Variants in PCDH11X observed in about 807,000 individuals in gnomAD.
The protein encoded by PCDH11X is protocadherin-11 X-linked.
In PCDH11X, 18 loss-of-function variants were observed where a neutral mutation model predicts 53.3. The ratio of observed to expected loss-of-function variants is 0.34; its 90% CI spans 0.23 to 0.50. The LOEUF is 0.50. PCDH11X is among the 20% of genes least tolerant of loss of function. The pLI is 0.98. For synonymous variants in PCDH11X, 279 were observed against 393.3 expected, an observed-to-expected ratio of 0.71 and a Z score of 3.44; for missense variants, 570 against 1,032.4, an observed-to-expected ratio of 0.55 and a Z score of 6.14.
intron 1 of PCDH11X, among the ~76,000 whole-genome samples, chrX:91,805,442 C>T (rs1313308373): frequency 9.0e-6 from 1 of 111,031 alleles, no homozygotes; most frequent in Non-Finnish European, 1.9e-5. Context: ...TCTAATATTC[C>T]AAGGTTCTAA....
chrX:92,553,219 AT>A (rs59294247), intron 10 of PCDH11X, among the ~76,000 whole-genome samples: 22,794 of 97,587 alleles, frequency 0.23, 2,495 homozygotes, highest in Non-Finnish European at 0.33. Flanking sequence ...TTTAACTGGG[AT>A]TTTTTTTTTT....
Position 92,620,000 on chromosome X carries a change from A to T in PCDH11X, c.*1060A>T, listed in dbSNP as rs1928370550. 9.0e-6 allele frequency: 1 copy of T among 111,338 alleles called. No individual in the cohort carries two copies. The allele number at this position is 111,338 out of a possible 1,213,427, so 9.2% of individuals were successfully genotyped here. On this transcript the variant is annotated 3_prime_UTR_variant, in exon 11 of 11. Transcript: ENST00000682573. Reference sequence around the variant, plus strand: ...TACATGTAACTGTAGATAAAACCATATACTAAATCTATAAGACTAAGGGAT... The same window carrying T: ...TACATGTAACTGTAGATAAAACCATTTACTAAATCTATAAGACTAAGGGAT...
At chrX:92,441,867 C>T (rs2072523114) in intron 9 of PCDH11X, among the ~76,000 whole-genome samples, 1 of 110,264 alleles carries the variant, frequency 9.1e-6, no homozygotes, top group African/African-American at 3.3e-5. Flanking sequence ...CCTGGAAAAG[C>T]CACAAACACT....
At chrX:92,441,320 A>G (rs2072510070) in intron 9 of PCDH11X, among the ~76,000 whole-genome samples, 1 of 110,872 alleles carries the variant, frequency 9.0e-6, no homozygotes, top group African/African-American at 3.3e-5. Context: ...GCCAAATGTT[A>G]ATCACCAAGA....
At chrX:92,401,876 G>A (rs192414073) in intron 9 of PCDH11X, among the ~76,000 whole-genome samples, 76 of 111,879 alleles carry the variant, frequency 6.8e-4, no homozygotes, top group Non-Finnish European at 1.1e-3. Flanking sequence ...TTGAATCTAC[G>A]TTTTTACTTT....
intron 7 of PCDH11X, among the ~76,000 whole-genome samples, chrX:92,250,820 A>T (rs6618934): frequency 0.12 from 12,759 of 108,437 alleles, 1,243 homozygotes; most frequent in African/African-American, 0.31. Context: ...GAAATAGTAA[A>T]TGTTTAAATT....
chrX:91,782,062 A>C, intron 1 of PCDH11X, among the ~76,000 whole-genome samples: 1 of 109,088 alleles, frequency 9.2e-6, no homozygotes, highest in Non-Finnish European at 1.9e-5. Flanking sequence ...GGCCCGGCCG[A>C]TGGGAAGCCG....
intron 6 of PCDH11X, among the ~76,000 whole-genome samples, chrX:91,894,485 C>T (rs1215568746): frequency 2.7e-5 from 3 of 111,668 alleles, no homozygotes; most frequent in Non-Finnish European, 5.6e-5. Flanking sequence ...TGAAGTGCTT[C>T]CATCAGGGCA....
At chrX:92,143,022 A>G (rs1316225259) in intron 6 of PCDH11X, among the ~76,000 whole-genome samples, 1 of 111,538 alleles carries the variant, frequency 9.0e-6, no homozygotes. Context: ...CACGCCTGTA[A>G]TCCTAGCATT....
chrX:92,502,392 T>C (rs2073976512), intron 10 of PCDH11X, among the ~76,000 whole-genome samples: 1 of 108,516 alleles, frequency 9.2e-6, no homozygotes, highest in African/African-American at 3.4e-5. Context: ...CATATCGAAC[T>C]AAAAATGAGC....
intron 6 of PCDH11X, among the ~76,000 whole-genome samples, chrX:92,072,236 G>A (rs1252088220): frequency 9.0e-6 from 1 of 110,661 alleles, no homozygotes; most frequent in Non-Finnish European, 1.9e-5. Context: ...CTGTCCAAGA[G>A]CCTAGGCGTG....
chrX:92,473,014 G>A (rs775083923), intron 10 of PCDH11X, among the ~76,000 whole-genome samples: 69 of 106,441 alleles, frequency 6.5e-4, no homozygotes, highest in African/African-American at 2.4e-3. Flanking sequence ...CAGAAGCTTC[G>A]GGGCTGAAAA....
chrX:92,152,338 C>T lies in PCDH11X; in HGVS notation c.3034-49037C>T, dbSNP rs550719641. Among the ~76,000 whole-genome samples, 56 of 104,003 alleles carry T rather than the reference C, an allele frequency of 5.4e-4. 1 individual carries two copies. The South Asian group carries it at 0.025, about 46-fold the overall frequency. 90.3% of individuals were successfully genotyped at this position (104,003 alleles called of 115,157 possible). ...TATTTTTAGTATTAGTCAGATAGTC[C>T]AGTCAATATAATTTTATGTACTTTT... On this transcript the variant is annotated intron_variant, in intron 6 of 10. Coordinates refer to ENST00000682573, the MANE Select transcript of PCDH11X (RefSeq NM_032968.5).
chrX:92,132,562 C>T (rs1300229383), intron 6 of PCDH11X, among the ~76,000 whole-genome samples: 9 of 101,396 alleles, frequency 8.9e-5, no homozygotes, highest in African/African-American at 3.2e-4. Flanking sequence ...GAGCCGAGAT[C>T]ACGCCACTGC....
intron 6 of PCDH11X, among the ~76,000 whole-genome samples, chrX:91,977,735 TC>T (rs953035273): frequency 4.5e-5 from 5 of 111,544 alleles, no homozygotes; most frequent in South Asian, 7.4e-4. Flanking sequence ...AAAACTGGCA[TC>T]TCAACCTAAT....
intron 10 of PCDH11X, among the ~76,000 whole-genome samples, chrX:92,530,396 C>T (rs1326422161): frequency 3.6e-5 from 4 of 110,283 alleles, no homozygotes; most frequent in Non-Finnish European, 5.7e-5. Flanking sequence ...GTTATTTTAC[C>T]GTTTATAAAA....
chrX:91,994,571 A>G (rs914652253), intron 6 of PCDH11X, among the ~76,000 whole-genome samples: 2 of 96,291 alleles, frequency 2.1e-5, no homozygotes, highest in African/African-American at 4.2e-5. Context: ...GGTTGCTTCC[A>G]TATCTTGGCT....
chrX:92,172,429 G>A (rs2065839145), intron 6 of PCDH11X, among the ~76,000 whole-genome samples: 1 of 109,790 alleles, frequency 9.1e-6, no homozygotes, highest in Admixed American at 9.9e-5. Context: ...GGTCTCTGTT[G>A]CCCAGGCTGG....
At chrX:92,406,098 C>A (rs867741653) in intron 9 of PCDH11X, among the ~76,000 whole-genome samples, 458 of 56,134 alleles carry the variant, frequency 8.2e-3, no homozygotes, top group South Asian at 9.7e-3. Flanking sequence ...GACTCTGTCT[C>A]AAAAAAAAAA....
Sources: gnomAD v4.1 joint callset for allele counts (sites outside exome capture counted in the v4.1 genomes callset) on GRCh38, gnomAD v4.1.1 for gene constraint, MANE v1.5 for transcripts, NCBI Gene and HGNC (gene_info 2026-07-23, HGNC 2026-07-21) for gene names.